The following SCIN variants were observed in gnomAD, a reference collection of about 807,000 sequenced individuals.
SCIN encodes scinderin, also known as adseverin.
SCIN carries 91 observed loss-of-function variants against 91.8 expected under a neutral mutation model. That is an observed-to-expected ratio of 0.99 (90% CI 0.84 to 1.18). The LOEUF (loss-of-function observed/expected upper bound fraction) is 1.18, where lower values mean the gene tolerates loss of function less well. SCIN is among the 50% of genes most tolerant of loss of function. SCIN has a pLI of 0.00. For missense variants in SCIN, 1,087 were observed against 863.9 expected (o/e 1.26, Z -3.24); for synonymous variants, 367 against 312.6 (o/e 1.17, Z -1.84).
chr7:12,602,447 G>A (rs1782977833), intron 3 of SCIN, among the ~76,000 whole-genome samples: 1 of 152,140 alleles, frequency 6.6e-6, no homozygotes, highest in Non-Finnish European at 1.5e-5. Flanking sequence ...CGAGAGCAGA[G>A]AACTGGTCTG....
rs1296032109 is a variant in SCIN, at chr7:12,656,384, AATTTATTTTAAACCTAATTT to A, written c.*3694_*3713del. On this transcript the variant is annotated 3_prime_UTR_variant, in exon 16 of 16. Transcript: ENST00000297029. The stretch of plus-strand genomic sequence containing the variant: ...ACTTATTTTATTTTCTTTTAAACCT[AATTTATTTTAAACCTAATTT>A]ATTTATTTTAAACCTAATTTATTTT... 6 of 152,144 alleles carry A rather than the reference AATTTATTTTAAACCTAATTT, an allele frequency of 3.9e-5. No homozygotes were observed. Among genetic ancestry groups the A allele is most frequent in the Non-Finnish European group, 7.4e-5 (5 of 68,016 alleles). 9.4% of individuals were successfully genotyped at this position (152,144 alleles called of 1,614,324 possible). A position where few individuals can be genotyped will look rare whatever the true frequency, so the allele number is the denominator to read the frequency against.
intron 1 of SCIN, among the ~76,000 whole-genome samples, chr7:12,577,220 A>G (rs1189515544): frequency 1.3e-5 from 2 of 152,190 alleles, no homozygotes; most frequent in Non-Finnish European, 2.9e-5. Flanking sequence ...TTTCATTCAA[A>G]CAGAACCAGT....
intron 1 of SCIN, 192 bp from the exon 2 acceptor site, chr7:12,577,872 G>T: frequency 3.8e-6 from 2 of 524,718 alleles, no homozygotes; most frequent in Non-Finnish European, 6.5e-6. Context: ...AAAAAAAATA[G>T]ACTAAAAAAA....
At chr7:12,629,415 C>A (rs1783598956) in intron 9 of SCIN, among the ~76,000 whole-genome samples, 193 bp downstream of exon 9, 1 of 152,090 alleles carries the variant, frequency 6.6e-6, no homozygotes, top group Non-Finnish European at 1.5e-5. Context: ...CAGCAGGAGT[C>A]ACATAAAGAT....
chr7:12,641,629 T>C (rs1450965611), intron 11 of SCIN, among the ~76,000 whole-genome samples: 1 of 152,164 alleles, frequency 6.6e-6, no homozygotes, highest in Non-Finnish European at 1.5e-5. Context: ...GGTCCTATAC[T>C]AAATTTTGCC....
intron 4 of SCIN, among the ~76,000 whole-genome samples, chr7:12,619,308 T>C (rs1310972385): frequency 6.6e-6 from 1 of 152,106 alleles, no homozygotes; most frequent in Non-Finnish European, 1.5e-5. Flanking sequence ...AAACCACATC[T>C]TGAGAACAAG....
chr7:12,628,250 T>C (rs1162000656), intron 8 of SCIN, among the ~76,000 whole-genome samples: 1 of 152,172 alleles, frequency 6.6e-6, no homozygotes, highest in Non-Finnish European at 1.5e-5. Context: ...TATTCCTGGA[T>C]GGCACCTTTT....
chr7:12,576,733 CCTCA>C, intron 1 of SCIN, among the ~76,000 whole-genome samples: 1 of 31,396 alleles, frequency 3.2e-5, no homozygotes, highest in Non-Finnish European at 6.4e-5. Context: ...TGCTTTATGA[CCTCA>C]GAAAAGTTAC....
intron 9 of SCIN, among the ~76,000 whole-genome samples, chr7:12,634,343 G>A (rs1479732739): frequency 1.3e-5 from 2 of 151,884 alleles, no homozygotes; most frequent in Admixed American, 6.6e-5. Context: ...AAATTAGCCG[G>A]GCATAGTGGT....
intron 3 of SCIN, among the ~76,000 whole-genome samples, 155 bp downstream of exon 3, chr7:12,581,376 G>A (rs952396098): frequency 6.6e-6 from 1 of 152,140 alleles, no homozygotes; most frequent in Admixed American, 6.5e-5. Flanking sequence ...TTTAAATGAC[G>A]CATGAAGTGA....
At chr7:12,622,723 T>TTA in intron 4 of SCIN, 78 bp from the exon 5 acceptor site, 1 of 966,780 alleles carries the variant, frequency 1.0e-6, no homozygotes, top group Non-Finnish European at 1.6e-6. Flanking sequence ...ATCCATGTCT[T>TTA]TATAAGTGTA....
chr7:12,652,568 G>C lies in SCIN; in HGVS notation c.2021-20G>C. The C allele has an allele frequency of 6.2e-7, 1 of 1,609,564 alleles. No individual in the cohort carries two copies. The highest frequency in any genetic ancestry group is 8.5e-7 in the Non-Finnish European group (1 of 1,177,914). On this transcript the variant is annotated intron_variant, in intron 15 of 15. Coordinates refer to ENST00000297029, the MANE Select transcript of SCIN (RefSeq NM_001112706.3). ...TAACCCAAACTAACTGAATTTATAT[G>C]TCTTTACAACTTTTTTTAGCCAAAA... is the stretch of plus-strand genomic sequence containing the variant.
At chr7:12,597,212 T>G (rs142063516) in intron 3 of SCIN, among the ~76,000 whole-genome samples, 2 of 152,214 alleles carry the variant, frequency 1.3e-5, no homozygotes, top group Admixed American at 6.5e-5. Context: ...CGTGGAGTTA[T>G]CTCACAAATC....
chr7:12,611,284 T>A (rs947632510), intron 4 of SCIN: 3 of 152,246 alleles, frequency 2.0e-5, no homozygotes, highest in Non-Finnish European at 4.4e-5. Context: ...AAAGTTCTTT[T>A]AAATTTACAG....
At chr7:12,573,651 C>A (rs200738709) in intron 1 of SCIN, among the ~76,000 whole-genome samples, 3 of 152,304 alleles carry the variant, frequency 2.0e-5, no homozygotes, top group East Asian at 3.9e-4. Flanking sequence ...CCATTCACCT[C>A]TGTTTGTAGT....
chr7:12,625,168 T>A, intron 6 of SCIN, 26 bp downstream of exon 6: 1 of 1,588,200 alleles, frequency 6.3e-7, no homozygotes, highest in Non-Finnish European at 8.6e-7. Context: ...GACGATGCTG[T>A]ATTTCAGATT....
intron 3 of SCIN, among the ~76,000 whole-genome samples, chr7:12,583,783 G>A (rs1433610756): frequency 6.6e-6 from 1 of 152,056 alleles, no homozygotes; most frequent in Non-Finnish European, 1.5e-5. Flanking sequence ...CACAAATCCA[G>A]GTTCACGTAA....
At chr7:12,598,590 T>C (rs918125741) in intron 3 of SCIN, among the ~76,000 whole-genome samples, 2 of 152,092 alleles carry the variant, frequency 1.3e-5, no homozygotes, top group African/African-American at 4.8e-5. Context: ...TTTAATTAGA[T>C]TGAATAAAAA....
chr7:12,628,947 G>A (rs1783586598), intron 8 of SCIN, among the ~76,000 whole-genome samples, 154 bp from the exon 9 acceptor site: 3 of 152,192 alleles, frequency 2.0e-5, no homozygotes, highest in East Asian at 3.9e-4. Context: ...TTGGCAAATC[G>A]ATAACAATTT....
Sources: allele counts gnomAD v4.1 joint callset (sites outside exome capture counted in the v4.1 genomes callset), GRCh38; gene constraint gnomAD v4.1.1; transcripts MANE v1.5; gene names NCBI Gene and HGNC (gene_info 2026-07-23, HGNC 2026-07-21).